Variants in NRG3 observed in about 807,000 individuals in gnomAD.
NRG3 encodes the protein neuregulin 3.
A neutral mutation model predicts 66.9 loss-of-function variants in NRG3; 31 were observed. The observed-to-expected ratio is 0.46, with a 90% CI of 0.35 to 0.63. The LOEUF (loss-of-function observed/expected upper bound fraction) is 0.63, where lower values mean the gene tolerates loss of function less well. Among genes scored for constraint, NRG3 ranks in the 20% least tolerant of loss-of-function variants. The pLI is 0.00. For synonymous variants in NRG3, 393 were observed against 359.4 expected (o/e 1.09, Z -1.06); for missense variants, 910 against 878.9 (o/e 1.04, Z -0.45).
At chr10:82,727,067 T>C (rs2057643513) in intron 2 of NRG3, among the ~76,000 whole-genome samples, 1 of 152,166 alleles carries the variant, frequency 6.6e-6, no homozygotes, top group African/African-American at 2.4e-5. Flanking sequence ...CAGCAAAGCA[T>C]TCAAGAGGTG....
chr10:82,942,834 G>T (rs1194303111), intron 4 of NRG3, among the ~76,000 whole-genome samples: 1 of 152,126 alleles, frequency 6.6e-6, no homozygotes, highest in Non-Finnish European at 1.5e-5. Flanking sequence ...ATCTGTGAGG[G>T]AGAGTGTGAA....
intron 1 of NRG3, among the ~76,000 whole-genome samples, chr10:82,080,354 A>C (rs1203638603): frequency 1.3e-5 from 2 of 152,180 alleles, no homozygotes; most frequent in Admixed American, 1.3e-4. Context: ...TGCTAAGTCA[A>C]GATTTTTATT....
intron 1 of NRG3, among the ~76,000 whole-genome samples, chr10:82,100,938 A>G (rs962329066): frequency 2.0e-5 from 3 of 151,878 alleles, no homozygotes; most frequent in African/African-American, 7.2e-5. Flanking sequence ...TTGTTCTTTA[A>G]ATTGTTAGAA....
At chr10:82,784,203 G>T (rs944902389) in intron 3 of NRG3, among the ~76,000 whole-genome samples, 8 of 152,062 alleles carry the variant, frequency 5.3e-5, no homozygotes, top group African/African-American at 1.7e-4. Context: ...ATACAAAAAT[G>T]AATTCAAGAT....
At chr10:82,753,476 C>T (rs1377901565) in intron 3 of NRG3, among the ~76,000 whole-genome samples, 1 of 152,030 alleles carries the variant, frequency 6.6e-6, no homozygotes, top group African/African-American at 2.4e-5. Context: ...AGTTCAGGCA[C>T]AACAGGAAAC....
intron 3 of NRG3, among the ~76,000 whole-genome samples, chr10:82,844,589 G>A (rs1395539717): frequency 6.6e-6 from 1 of 151,742 alleles, no homozygotes; most frequent in Non-Finnish European, 1.5e-5. Flanking sequence ...CTCTCGGGAT[G>A]CAAGTCTGTC....
chr10:82,235,883 A>G (rs1158620101), intron 1 of NRG3, among the ~76,000 whole-genome samples: 1 of 152,086 alleles, frequency 6.6e-6, no homozygotes, highest in African/African-American at 2.4e-5. Flanking sequence ...CCTCTATATT[A>G]ATAGAGACTT....
At chr10:82,006,817 A>G (rs2061391787) in intron 1 of NRG3, among the ~76,000 whole-genome samples, 1 of 152,162 alleles carries the variant, frequency 6.6e-6, no homozygotes, top group South Asian at 2.1e-4. Flanking sequence ...AACTATATAC[A>G]CTGTTTAATT....
At chr10:82,192,241 A>G (rs184445881) in intron 1 of NRG3, among the ~76,000 whole-genome samples, 120 of 152,320 alleles carry the variant, frequency 7.9e-4, no homozygotes, top group Non-Finnish European at 1.4e-3. Flanking sequence ...ATTATGCAGT[A>G]TGTTCAATTG....
intron 2 of NRG3, among the ~76,000 whole-genome samples, chr10:82,593,917 C>A (rs1051168966): frequency 3.3e-5 from 5 of 151,840 alleles, no homozygotes; most frequent in African/African-American, 1.2e-4. Context: ...ATTTCATTTA[C>A]AAGTCATTTT....
chr10:82,573,465 A>G (rs1226256005), intron 2 of NRG3, among the ~76,000 whole-genome samples: 1 of 151,814 alleles, frequency 6.6e-6, no homozygotes, highest in African/African-American at 2.4e-5. Context: ...TTTACTTATA[A>G]AATACCATTT....
chr10:82,698,242 CA>C (rs1368003876), intron 2 of NRG3, among the ~76,000 whole-genome samples: 1 of 151,966 alleles, frequency 6.6e-6, no homozygotes, highest in Non-Finnish European at 1.5e-5. Context: ...AGGATAAAGC[CA>C]GTTCAAACAG....
intron 1 of NRG3, among the ~76,000 whole-genome samples, chr10:82,159,234 G>A (rs2071399973): frequency 6.6e-6 from 1 of 151,828 alleles, no homozygotes; most frequent in Non-Finnish European, 1.5e-5. Flanking sequence ...AGTTTCATAT[G>A]CAATGGTTCT....
At chr10:82,476,552 T>C (rs1305090390) in intron 2 of NRG3, among the ~76,000 whole-genome samples, 1 of 152,192 alleles carries the variant, frequency 6.6e-6, no homozygotes, top group African/African-American at 2.4e-5. Context: ...GAACACATGC[T>C]ACAGCATGAA....
At chr10:81,976,537 G>A (rs2060129881) in intron 1 of NRG3, among the ~76,000 whole-genome samples, 1 of 152,200 alleles carries the variant, frequency 6.6e-6, no homozygotes, top group African/African-American at 2.4e-5. Flanking sequence ...CTCTAGGATA[G>A]ATTGCTGAGA....
At chr10:81,999,086 A>T (rs1285568342) in intron 1 of NRG3, among the ~76,000 whole-genome samples, 1 of 152,242 alleles carries the variant, frequency 6.6e-6, no homozygotes, top group Non-Finnish European at 1.5e-5. Context: ...TATAGGCGTG[A>T]GCCACGGTGC....
chr10:82,665,731 G>C (rs10749062), intron 2 of NRG3, among the ~76,000 whole-genome samples: 1 of 152,184 alleles, frequency 6.6e-6, no homozygotes, highest in Admixed American at 6.5e-5. Flanking sequence ...AACAGAGTGC[G>C]AAGAACATTT....
intron 4 of NRG3, among the ~76,000 whole-genome samples, chr10:82,919,117 A>G (rs966590518): frequency 2.0e-5 from 3 of 150,508 alleles, no homozygotes; most frequent in Non-Finnish European, 4.4e-5. Context: ...GTGTGTTCCT[A>G]TTACAAGTAA....
At chr10:82,712,511 C>T (rs2056734459) in intron 2 of NRG3, among the ~76,000 whole-genome samples, 1 of 152,182 alleles carries the variant, frequency 6.6e-6, no homozygotes, top group South Asian at 2.1e-4. Flanking sequence ...GCCAACGCTT[C>T]CGAAGGAGTA....
Sources: gnomAD v4.1 joint callset for allele counts (sites outside exome capture counted in the v4.1 genomes callset) on GRCh38, gnomAD v4.1.1 for gene constraint, MANE v1.5 for transcripts, NCBI Gene and HGNC (gene_info 2026-07-23, HGNC 2026-07-21) for gene names.